LUZP2: variants seen among roughly 807,000 people sequenced by gnomAD.
LUZP2 encodes leucine zipper protein 2.
Under a neutral mutation model 51.6 loss-of-function variants are expected in LUZP2, and 52 were observed. The ratio of observed to expected loss-of-function variants is 1.01; its 90% CI spans 0.81 to 1.27. LUZP2 has a LOEUF of 1.27. Ranked by LOEUF, LUZP2 falls within the 50% of genes most tolerant of loss-of-function variation. LUZP2 has a pLI of 0.00. For missense variants in LUZP2, 436 were observed against 395.4 expected, an observed-to-expected ratio of 1.10 and a Z score of -0.87; for synonymous variants, 154 against 137.3, an observed-to-expected ratio of 1.12 and a Z score of -0.85.
chr11:24,792,946 A>G (rs927508508), intron 5 of LUZP2, among the ~76,000 whole-genome samples: 3 of 152,268 alleles, frequency 2.0e-5, no homozygotes, highest in Admixed American at 1.3e-4. Context: ...TTTTCTCACC[A>G]AAAGATCTTC....
At chr11:24,527,567 T>TCTCACACACACACACA (rs796404136) in intron 1 of LUZP2, among the ~76,000 whole-genome samples, 2 of 131,560 alleles carry the variant, frequency 1.5e-5, no homozygotes, top group African/African-American at 5.7e-5. Flanking sequence ...TCTCTCTCTC[T>TCTCACACACACACACA]CACACACACA....
chr11:24,580,123 A>G (rs1852796521), intron 1 of LUZP2, among the ~76,000 whole-genome samples: 1 of 152,106 alleles, frequency 6.6e-6, no homozygotes, highest in African/African-American at 2.4e-5. Flanking sequence ...TAGGATTAAG[A>G]TATCCCTAGT....
intron 1 of LUZP2, among the ~76,000 whole-genome samples, chr11:24,712,977 C>T (rs909998713): frequency 6.6e-6 from 1 of 152,152 alleles, no homozygotes; most frequent in African/African-American, 2.4e-5. Context: ...TCTTTGACTA[C>T]GTATGTGAGA....
At chr11:24,530,420 T>A (rs934441037) in intron 1 of LUZP2, among the ~76,000 whole-genome samples, 2 of 150,832 alleles carry the variant, frequency 1.3e-5, no homozygotes, top group Non-Finnish European at 3.0e-5. Context: ...CACATATATA[T>A]GTGTACACAC....
At chr11:24,570,981 G>A (rs978273771) in intron 1 of LUZP2, among the ~76,000 whole-genome samples, 5 of 152,038 alleles carry the variant, frequency 3.3e-5, no homozygotes, top group Admixed American at 2.6e-4. Flanking sequence ...TAACGTGAAA[G>A]TAATAGAAGT....
intron 9 of LUZP2, among the ~76,000 whole-genome samples, chr11:25,037,820 G>C (rs1857912060): frequency 6.6e-6 from 1 of 151,916 alleles, no homozygotes; most frequent in Non-Finnish European, 1.5e-5. Flanking sequence ...TTTCTGCTGA[G>C]AGGTCTGCTG....
At chr11:24,906,785 A>C (rs1419678226) in intron 6 of LUZP2, among the ~76,000 whole-genome samples, 4 of 152,172 alleles carry the variant, frequency 2.6e-5, no homozygotes, top group Non-Finnish European at 5.9e-5. Context: ...ATGTGCGAGA[A>C]ATATATTCAA....
intron 5 of LUZP2, among the ~76,000 whole-genome samples, chr11:24,901,953 A>G (rs1221705756): frequency 6.6e-6 from 1 of 152,176 alleles, no homozygotes; most frequent in Admixed American, 6.5e-5. Flanking sequence ...CATGATAAAC[A>G]GAACTTCAGT....
chr11:25,037,678 G>A lies in LUZP2; in HGVS notation c.766-12360G>A, dbSNP rs151334444. On this transcript the variant is annotated intron_variant, in intron 9 of 11. Coordinates refer to ENST00000336930, the MANE Select transcript of LUZP2 (RefSeq NM_001009909.4). The stretch of plus-strand genomic sequence containing the variant: ...GGTTAAAACATATTTCCTGTCACAT[G>A]CTTCTCTGAGAAAGATTTTATTTCT... Among the ~76,000 whole-genome samples, 160 of 152,192 alleles carry A rather than the reference G, an allele frequency of 1.1e-3. 1 individual carries two copies. The highest frequency in any genetic ancestry group is 9.7e-3 in the Admixed American group (148 of 15,260).
chr11:24,578,738 C>CA (rs1852747688), intron 1 of LUZP2, among the ~76,000 whole-genome samples: 1 of 152,004 alleles, frequency 6.6e-6, no homozygotes, highest in African/African-American at 2.4e-5. Context: ...ATCGGGTACT[C>CA]ACTGACATAG....
chr11:24,874,915 C>A (rs1852196265), intron 5 of LUZP2, among the ~76,000 whole-genome samples: 1 of 152,052 alleles, frequency 6.6e-6, no homozygotes. Context: ...GCTCTTCTCT[C>A]TATTCTAAAA....
At chr11:25,024,224 T>C (rs1388182353) in intron 9 of LUZP2, among the ~76,000 whole-genome samples, 1 of 152,100 alleles carries the variant, frequency 6.6e-6, no homozygotes, top group Non-Finnish European at 1.5e-5. Flanking sequence ...GCATTCCCTT[T>C]GAAAACTGGC....
intron 5 of LUZP2, among the ~76,000 whole-genome samples, chr11:24,780,946 GT>G (rs1212664452): frequency 6.6e-6 from 1 of 152,104 alleles, no homozygotes; most frequent in Non-Finnish European, 1.5e-5. Context: ...CTCATTCACA[GT>G]TTTTATGTGA....
intron 5 of LUZP2, among the ~76,000 whole-genome samples, chr11:24,856,852 A>T (rs1851582293): frequency 6.6e-6 from 1 of 152,088 alleles, no homozygotes; most frequent in Admixed American, 6.6e-5. Context: ...AAAAAGTCAA[A>T]TACTGCATGT....
chr11:24,907,029 C>A (rs1028689395), intron 6 of LUZP2, among the ~76,000 whole-genome samples: 2 of 152,230 alleles, frequency 1.3e-5, no homozygotes, highest in Admixed American at 6.5e-5. Context: ...TCAAAAATAT[C>A]TTTTTCTGCC....
intron 7 of LUZP2, among the ~76,000 whole-genome samples, chr11:24,973,398 G>A (rs1482705079): frequency 1.7e-5 from 2 of 119,178 alleles, no homozygotes; most frequent in Admixed American, 9.5e-5. Context: ...ACAGCTCCTG[G>A]GTTCATTGAT....
At chr11:24,682,341 A>T (rs1590341842) in intron 1 of LUZP2, among the ~76,000 whole-genome samples, 1 of 151,756 alleles carries the variant, frequency 6.6e-6, no homozygotes, top group Non-Finnish European at 1.5e-5. Context: ...TTAAAAATGC[A>T]AAAATTAGCC....
chr11:24,663,940 G>A (rs766776665), intron 1 of LUZP2, among the ~76,000 whole-genome samples: 48 of 152,178 alleles, frequency 3.2e-4, no homozygotes, highest in Admixed American at 5.2e-4. Context: ...GTGGAACTGT[G>A]AGGATATTAA....
At chr11:25,049,450 T>A (rs933109854) in intron 9 of LUZP2, among the ~76,000 whole-genome samples, 1 of 152,152 alleles carries the variant, frequency 6.6e-6, no homozygotes, top group African/African-American at 2.4e-5. Context: ...AGCTTTTTCT[T>A]TTCTTTTCTT....
Sources: allele counts gnomAD v4.1 joint callset (sites outside exome capture counted in the v4.1 genomes callset), GRCh38; gene constraint gnomAD v4.1.1; transcripts MANE v1.5; gene names NCBI Gene and HGNC (gene_info 2026-07-23, HGNC 2026-07-21).